IKZF1: variants seen among roughly 807,000 people sequenced by gnomAD.
IKZF1 encodes the protein DNA-binding protein Ikaros.
A neutral mutation model predicts 51.7 loss-of-function variants in IKZF1; 10 were observed. That is an observed-to-expected ratio of 0.19 (90% CI 0.12 to 0.33). The LOEUF is 0.33. Ranked by LOEUF, IKZF1 falls within the 10% of genes least tolerant of loss-of-function variation. The pLI is 1.00. For synonymous variants in IKZF1, 280 were observed against 282.3 expected (o/e 0.99, Z 0.08); for missense variants, 484 against 707.5 (o/e 0.68, Z 3.58).
intron 3 of IKZF1, among the ~76,000 whole-genome samples, chr7:50,365,831 T>A (rs1806748998): frequency 6.6e-6 from 1 of 152,226 alleles, no homozygotes; most frequent in Non-Finnish European, 1.5e-5. Flanking sequence ...CGCATTTGTT[T>A]GTTGCAGCAC....
chr7:50,390,130 T>C (rs1814612274), intron 6 of IKZF1, among the ~76,000 whole-genome samples: 1 of 152,188 alleles, frequency 6.6e-6, no homozygotes, highest in Admixed American at 6.5e-5. Context: ...GGTGCATGCA[T>C]CTAATGACAG....
chr7:50,390,329 T>A (rs1486865960), intron 6 of IKZF1, among the ~76,000 whole-genome samples: 1 of 152,346 alleles, frequency 6.6e-6, no homozygotes, highest in South Asian at 2.1e-4. Flanking sequence ...ATTAGCTTAA[T>A]AGATGAAGTG....
intron 1 of IKZF1, among the ~76,000 whole-genome samples, chr7:50,315,076 G>A (rs767404255): frequency 3.9e-5 from 6 of 152,368 alleles, no homozygotes; most frequent in African/African-American, 1.4e-4. Flanking sequence ...CGGCTTGCCC[G>A]GCTCCTAGTC....
At chr7:50,344,753 A>G (rs1188022397) in intron 3 of IKZF1, among the ~76,000 whole-genome samples, 1 of 152,200 alleles carries the variant, frequency 6.6e-6, no homozygotes. Flanking sequence ...CAGAAACACT[A>G]AATTCAGTGT....
chr7:50,403,836 T>C lies in IKZF1; in HGVS notation c.*3209T>C, dbSNP rs1818545568. Reference sequence around the variant, plus strand: ...TGCTTTTTTCTTGTTTTGTTTTGTTTTGACTGCACTGTGAGTTTTGTAGTG... The same window carrying C: ...TGCTTTTTTCTTGTTTTGTTTTGTTCTGACTGCACTGTGAGTTTTGTAGTG... On this transcript the variant is annotated 3_prime_UTR_variant, in exon 8 of 8. Coordinates refer to ENST00000331340, the MANE Select transcript of IKZF1 (RefSeq NM_006060.6). 4.5e-6 allele frequency: 1 copy of C among 222,774 alleles called. No individual in the cohort carries two copies. The highest frequency in any genetic ancestry group is 9.0e-6 in the Non-Finnish European group (1 of 111,162). The allele number at this position is 222,774 out of a possible 1,614,324, so 13.8% of individuals were successfully genotyped here. A position where few individuals can be genotyped will look rare whatever the true frequency, so the allele number is the denominator to read the frequency against.
intron 1 of IKZF1, among the ~76,000 whole-genome samples, chr7:50,312,287 G>A (rs903864663): frequency 6.6e-6 from 1 of 152,250 alleles, no homozygotes; most frequent in East Asian, 1.9e-4. Flanking sequence ...CTACCATGGC[G>A]GCTCAATAAA....
chr7:50,364,152 C>T (rs532440537), intron 3 of IKZF1, among the ~76,000 whole-genome samples: 1 of 152,298 alleles, frequency 6.6e-6, no homozygotes, highest in Non-Finnish European at 1.5e-5. Flanking sequence ...CAGATCTCCT[C>T]CCTCTAGTTT....
At chr7:50,370,321 G>A (rs893418123) in intron 3 of IKZF1, among the ~76,000 whole-genome samples, 2 of 152,230 alleles carry the variant, frequency 1.3e-5, no homozygotes, top group Non-Finnish European at 2.9e-5. Context: ...CATTGGTCAG[G>A]TGGGGACTAA....
intron 3 of IKZF1, among the ~76,000 whole-genome samples, chr7:50,343,188 CCCT>C (rs959634566): frequency 1.9e-4 from 21 of 108,562 alleles, no homozygotes; most frequent in Non-Finnish European, 3.7e-5. Flanking sequence ...CCCTCCCTTC[CCCT>C]CGTCTCCCTT....
At chr7:50,309,416 C>G (rs974038497) in intron 1 of IKZF1, among the ~76,000 whole-genome samples, 1 of 152,164 alleles carries the variant, frequency 6.6e-6, no homozygotes, top group African/African-American at 2.4e-5. Flanking sequence ...TCTTCTCTGT[C>G]ATTCCCTTCC....
intron 3 of IKZF1, among the ~76,000 whole-genome samples, chr7:50,343,859 G>A (rs1245587783): frequency 6.6e-6 from 1 of 152,188 alleles, no homozygotes; most frequent in African/African-American, 2.4e-5. Flanking sequence ...ATTTGAGTCT[G>A]GGTTTTATTT....
At chr7:50,399,077 C>T (rs1275177931) in intron 7 of IKZF1, among the ~76,000 whole-genome samples, 1 of 152,168 alleles carries the variant, frequency 6.6e-6, no homozygotes, top group Non-Finnish European at 1.5e-5. Flanking sequence ...AAGGCCAGGG[C>T]CCAATCACTG....
intron 3 of IKZF1, among the ~76,000 whole-genome samples, chr7:50,355,939 T>G (rs969502733): frequency 1.3e-5 from 2 of 152,190 alleles, no homozygotes; most frequent in Non-Finnish European, 2.9e-5. Flanking sequence ...TCTCAGCAAC[T>G]TCCACGCTCC....
chr7:50,384,166 TC>T (rs1199791539), intron 5 of IKZF1, among the ~76,000 whole-genome samples: 1 of 152,134 alleles, frequency 6.6e-6, no homozygotes, highest in Non-Finnish European at 1.5e-5. Context: ...TTAGAGACAT[TC>T]TAAACTAGTG....
At chr7:50,382,516 C>G in intron 4 of IKZF1, 24 bp from the exon 5 acceptor site, 1 of 1,604,138 alleles carries the variant, frequency 6.2e-7, no homozygotes, top group Non-Finnish European at 8.5e-7. Context: ...TTAGTTCTCA[C>G]CAGCTCTCCT....
rs555506310 is a variant in IKZF1, at chr7:50,402,091, AG to A, written c.*1466del. 1,732 of 230,930 alleles carry A rather than the reference AG, an allele frequency of 7.5e-3. 24 individuals carry two copies. The highest frequency in any genetic ancestry group is 8.7e-3 in the Non-Finnish European group (1,015 of 116,456). The allele number at this position is 230,930 out of a possible 1,614,324, so 14.3% of individuals were successfully genotyped here. A position where few individuals can be genotyped will look rare whatever the true frequency, so the allele number is the denominator to read the frequency against. ...TATGACATGGAGGCACTGAAGCCCG[AG>A]GAAGGTGTGTGGAGATTCTAATCCC... is the stretch of plus-strand genomic sequence containing the variant. On this transcript the variant is annotated 3_prime_UTR_variant, in exon 8 of 8. Coordinates refer to ENST00000331340, the MANE Select transcript of IKZF1 (RefSeq NM_006060.6).
intron 3 of IKZF1, among the ~76,000 whole-genome samples, chr7:50,346,824 C>T (rs1207383573): frequency 6.6e-6 from 1 of 152,194 alleles, no homozygotes; most frequent in African/African-American, 2.4e-5. Context: ...AACTCATTTT[C>T]CATGCTTCCC....
intron 2 of IKZF1, among the ~76,000 whole-genome samples, chr7:50,326,507 G>A (rs1254022993): frequency 2.0e-5 from 3 of 152,210 alleles, no homozygotes; most frequent in Non-Finnish European, 2.9e-5. Flanking sequence ...GGAAACTATA[G>A]GAGTTGCAGC....
In IKZF1 at chr7:50,401,436, C is replaced by A. The variant is rs879479483; in HGVS notation, c.*809C>A. ...TGGGCATATCTGGGGAGCCCTGTTC[C>A]CCGCTTTTTCACTCCCATACCTTTA... On this transcript the variant is annotated 3_prime_UTR_variant, in exon 8 of 8. Coordinates refer to ENST00000331340, the MANE Select transcript of IKZF1 (RefSeq NM_006060.6). The A allele has an allele frequency of 4.4e-6, 1 of 226,138 alleles. No individual in the cohort carries two copies. Among genetic ancestry groups the A allele is most frequent in the East Asian group, 6.3e-5 (1 of 15,968 alleles). The allele number at this position is 226,138 out of a possible 1,614,324, so 14.0% of individuals were successfully genotyped here.
Sources: gnomAD v4.1 joint callset for allele counts (sites outside exome capture counted in the v4.1 genomes callset) on GRCh38, gnomAD v4.1.1 for gene constraint, MANE v1.5 for transcripts, NCBI Gene and HGNC (gene_info 2026-07-23, HGNC 2026-07-21) for gene names.